The following LSAMP variants were observed in gnomAD, a reference collection of about 807,000 sequenced individuals.
The protein encoded by LSAMP is limbic system associated membrane protein, also known as limbic system-associated membrane protein.
LSAMP carries 7 observed loss-of-function variants against 38.6 expected under a neutral mutation model. The ratio of observed to expected loss-of-function variants is 0.18; its 90% CI spans 0.10 to 0.34. The LOEUF is 0.34. LSAMP is among the 10% of genes least tolerant of loss of function. LSAMP has a pLI of 1.00. For missense variants in LSAMP, 313 were observed against 420.0 expected (o/e 0.75, Z 2.23); for synonymous variants, 154 against 166.8 (o/e 0.92, Z 0.59).
chr3:115,883,285 G>A (rs1936369010), intron 3 of LSAMP, among the ~76,000 whole-genome samples: 1 of 152,012 alleles, frequency 6.6e-6, no homozygotes, highest in Non-Finnish European at 1.5e-5. Flanking sequence ...AAAGGGATAG[G>A]AAGTGTAAAG....
chr3:116,059,364 T>C (rs1178095134), intron 2 of LSAMP, among the ~76,000 whole-genome samples: 2 of 152,236 alleles, frequency 1.3e-5, no homozygotes, highest in Admixed American at 1.3e-4. Flanking sequence ...CAGGAGAAGA[T>C]GTGTTCCTTT....
At chr3:116,336,442 G>T (rs1297508557) in intron 1 of LSAMP, among the ~76,000 whole-genome samples, 1 of 151,812 alleles carries the variant, frequency 6.6e-6, no homozygotes, top group Non-Finnish European at 1.5e-5. Flanking sequence ...TTCAAAAATG[G>T]GCAACGAACC....
chr3:115,816,991 C>A (rs2107457861), intron 6 of LSAMP, among the ~76,000 whole-genome samples: 1 of 152,310 alleles, frequency 6.6e-6, no homozygotes, highest in East Asian at 1.9e-4. Context: ...TGTGTCCGAT[C>A]CATAACCTCG....
intron 1 of LSAMP, among the ~76,000 whole-genome samples, chr3:116,429,602 C>T (rs2049252265): frequency 6.6e-6 from 1 of 151,942 alleles, no homozygotes; most frequent in South Asian, 2.1e-4. Context: ...TACATACGAC[C>T]ACCGCCACTA....
At chr3:116,326,261 A>G (rs1230965071) in intron 1 of LSAMP, among the ~76,000 whole-genome samples, 1 of 152,180 alleles carries the variant, frequency 6.6e-6, no homozygotes, top group Non-Finnish European at 1.5e-5. Flanking sequence ...AGGAAAAAAA[A>G]GGCAACTTTC....
At chr3:115,956,890 C>T (rs1417798754) in intron 3 of LSAMP, among the ~76,000 whole-genome samples, 1 of 152,152 alleles carries the variant, frequency 6.6e-6, no homozygotes, top group Admixed American at 6.5e-5. Context: ...TCTCCCCTTA[C>T]AGGCTTCTTG....
At chr3:116,436,247 T>C (rs551242910) in intron 1 of LSAMP, among the ~76,000 whole-genome samples, 2 of 152,300 alleles carry the variant, frequency 1.3e-5, no homozygotes, top group Non-Finnish European at 2.9e-5. Flanking sequence ...ACAAAAATTC[T>C]AGAAGGTGAC....
chr3:116,311,428 C>T (rs1191259856), intron 1 of LSAMP, among the ~76,000 whole-genome samples: 2 of 151,952 alleles, frequency 1.3e-5, no homozygotes, highest in African/African-American at 4.8e-5. Flanking sequence ...ATAAATTCTC[C>T]CAAGCGATTC....
At chr3:115,912,785 T>C (rs1224858803) in intron 3 of LSAMP, among the ~76,000 whole-genome samples, 1 of 152,192 alleles carries the variant, frequency 6.6e-6, no homozygotes, top group African/African-American at 2.4e-5. Flanking sequence ...CAGGCTTTTG[T>C]TGAGGCTTCC....
chr3:115,958,781 T>C (rs1576256835), intron 3 of LSAMP, among the ~76,000 whole-genome samples: 1 of 152,186 alleles, frequency 6.6e-6, no homozygotes, highest in East Asian at 1.9e-4. Flanking sequence ...AGGCTGTTTT[T>C]CTGCACAGGA....
chr3:116,163,022 G>T (rs1314211573), intron 1 of LSAMP, among the ~76,000 whole-genome samples: 1 of 151,970 alleles, frequency 6.6e-6, no homozygotes, highest in Non-Finnish European at 1.5e-5. Context: ...TTGGGAAAGA[G>T]GGGCAACAGC....
intron 3 of LSAMP, among the ~76,000 whole-genome samples, chr3:115,872,702 AATTAT>A (rs1936077528): frequency 6.6e-6 from 1 of 152,152 alleles, no homozygotes; most frequent in Non-Finnish European, 1.5e-5. Flanking sequence ...TTCTCACGTG[AATTAT>A]ATTATTTAAC....
At chr3:116,069,559 GAA>G (rs35703124) in intron 2 of LSAMP, among the ~76,000 whole-genome samples, 3 of 148,026 alleles carry the variant, frequency 2.0e-5, no homozygotes, top group African/African-American at 7.4e-5. Flanking sequence ...ACTTTCCTCA[GAA>G]AAAAAAAAAT....
intron 2 of LSAMP, among the ~76,000 whole-genome samples, chr3:116,046,575 C>T (rs1415505738): frequency 6.6e-6 from 1 of 152,132 alleles, no homozygotes; most frequent in Non-Finnish European, 1.5e-5. Flanking sequence ...AGCTCAAAGG[C>T]CCTGGTTTTG....
intron 1 of LSAMP, among the ~76,000 whole-genome samples, chr3:116,188,876 A>G (rs1296754580): frequency 6.6e-6 from 1 of 152,192 alleles, no homozygotes; most frequent in Non-Finnish European, 1.5e-5. Context: ...AAGCACAGTG[A>G]GATTGACCAT....
chr3:116,406,524 GCCT>G (rs1469640543), intron 1 of LSAMP, among the ~76,000 whole-genome samples: 1 of 151,822 alleles, frequency 6.6e-6, no homozygotes, highest in Non-Finnish European at 1.5e-5. Flanking sequence ...TTTGCTTCCT[GCCT>G]TTTTTATTTT....
chr3:115,840,365 G>A (rs528677064), intron 6 of LSAMP, among the ~76,000 whole-genome samples: 13 of 147,192 alleles, frequency 8.8e-5, no homozygotes, highest in Admixed American at 2.7e-4. Context: ...CCCCTCTCCC[G>A]CTGCCATTTA....
At chr3:116,021,812 G>A (rs567772430) in intron 2 of LSAMP, among the ~76,000 whole-genome samples, 3 of 151,074 alleles carry the variant, frequency 2.0e-5, no homozygotes, top group East Asian at 1.9e-4. Flanking sequence ...TCTCTCTCTC[G>A]GTGTTTTTTT....
intron 2 of LSAMP, among the ~76,000 whole-genome samples, chr3:116,085,819 T>C (rs140601942): frequency 1.6e-4 from 25 of 152,296 alleles, no homozygotes; most frequent in Middle Eastern, 3.4e-3. Flanking sequence ...ACAAACTACA[T>C]AGAAACCTGA....
Sources: allele counts gnomAD v4.1 joint callset (sites outside exome capture counted in the v4.1 genomes callset), GRCh38; gene constraint gnomAD v4.1.1; transcripts MANE v1.5; gene names NCBI Gene and HGNC (gene_info 2026-07-23, HGNC 2026-07-21).